The following N4BP2L2 variants were observed in gnomAD, a reference collection of about 807,000 sequenced individuals.
N4BP2L2 encodes NEDD4-binding protein 2-like 2.
Under a neutral mutation model 56.2 loss-of-function variants are expected in N4BP2L2, and 50 were observed. The ratio of observed to expected loss-of-function variants is 0.89; its 90% CI spans 0.71 to 1.13. The LOEUF (loss-of-function observed/expected upper bound fraction) is 1.13, where lower values mean the gene tolerates loss of function less well. N4BP2L2 is among the 50% of genes most tolerant of loss of function. The pLI is 0.00. For synonymous variants in N4BP2L2, 203 were observed against 223.6 expected (o/e 0.91, Z 0.82); for missense variants, 689 against 693.8 (o/e 0.99, Z 0.08).
intron 5 of N4BP2L2, among the ~76,000 whole-genome samples, chr13:32,519,922 T>C (rs1429706791): frequency 6.6e-6 from 1 of 152,214 alleles, no homozygotes; most frequent in Non-Finnish European, 1.5e-5. Flanking sequence ...TAGCATTTTA[T>C]CATTCATTTA....
chr13:32,456,315 G>A (rs1383519411), intron 6 of N4BP2L2, among the ~76,000 whole-genome samples: 1 of 152,096 alleles, frequency 6.6e-6, no homozygotes, highest in Non-Finnish European at 1.5e-5. Context: ...ATGACTTCAT[G>A]CACCCAGAAT....
intron 6 of N4BP2L2, among the ~76,000 whole-genome samples, chr13:32,467,670 ATTGT>A (rs1191172894): frequency 6.6e-6 from 1 of 151,512 alleles, no homozygotes; most frequent in Non-Finnish European, 1.5e-5. Flanking sequence ...TGAAAAAAAA[ATTGT>A]TTGAGGGCTA....
chr13:32,478,344 C>T (rs553673610), intron 6 of N4BP2L2: 9 of 252,600 alleles, frequency 3.6e-5, no homozygotes, highest in African/African-American at 1.8e-4. Flanking sequence ...AACTATATAA[C>T]GCAATTTCTT....
chr13:32,474,961 TAC>T (rs2083017353), intron 6 of N4BP2L2, among the ~76,000 whole-genome samples: 7 of 152,212 alleles, frequency 4.6e-5, no homozygotes, highest in Admixed American at 4.6e-4. Flanking sequence ...GTTAATATTA[TAC>T]ATAACTATAT....
At chr13:32,466,140 C>T (rs933506052) in intron 6 of N4BP2L2, among the ~76,000 whole-genome samples, 30 of 152,130 alleles carry the variant, frequency 2.0e-4, no homozygotes, top group African/African-American at 7.2e-4. Flanking sequence ...TGAAAACAAC[C>T]CATCTATCCA....
At chr13:32,470,738 A>G (rs2082141250) in intron 6 of N4BP2L2, among the ~76,000 whole-genome samples, 1 of 152,214 alleles carries the variant, frequency 6.6e-6, no homozygotes, top group Non-Finnish European at 1.5e-5. Context: ...CCACTTTAGC[A>G]AAGTGTAGCA....
intron 6 of N4BP2L2, among the ~76,000 whole-genome samples, chr13:32,446,761 C>A (rs567782087): frequency 6.6e-6 from 1 of 152,266 alleles, no homozygotes; most frequent in South Asian, 2.1e-4. Context: ...TACAATTGCA[C>A]TTGGAAAATT....
At chr13:32,459,349 GT>G (rs924273824) in intron 6 of N4BP2L2, among the ~76,000 whole-genome samples, 10 of 151,534 alleles carry the variant, frequency 6.6e-5, no homozygotes, top group South Asian at 2.1e-4. Context: ...AACAAAAAGT[GT>G]TTTTTTTGAG....
intron 3 of N4BP2L2, among the ~76,000 whole-genome samples, chr13:32,526,146 GACAA>G (rs1375518721): frequency 6.6e-6 from 1 of 151,518 alleles, no homozygotes; most frequent in East Asian, 1.9e-4. Flanking sequence ...GAAGCAAATA[GACAA>G]CTACAGCATG....
chr13:32,517,102 T>G (rs1380555813), exon 6 of N4BP2L2: 1 of 982,176 alleles, frequency 1.0e-6, no homozygotes, highest in Non-Finnish European at 1.2e-6. Context: ...AAAACATTAT[T>G]AGAATCACTT....
chr13:32,489,288 TTC>T (rs1461909809), intron 6 of N4BP2L2, among the ~76,000 whole-genome samples: 3 of 152,228 alleles, frequency 2.0e-5, no homozygotes, highest in South Asian at 4.1e-4. Context: ...ATTTTTCCGT[TTC>T]TGTCATGTAC....
intron 6 of N4BP2L2, among the ~76,000 whole-genome samples, chr13:32,485,380 T>C (rs1354613087): frequency 6.6e-6 from 1 of 152,136 alleles, no homozygotes; most frequent in African/African-American, 2.4e-5. Flanking sequence ...TAAAGAAGAA[T>C]ATCAATTCTT....
In N4BP2L2 at chr13:32,521,280, C is replaced by G. The variant is rs2050824807; in HGVS notation, c.1550+93G>C. 33 of 1,019,574 alleles carry G rather than the reference C, an allele frequency of 3.2e-5. 2 individuals carry two copies. In the South Asian group the frequency reaches 4.8e-4, roughly 15 times the overall value. The allele number at this position is 1,019,574 out of a possible 1,614,324, so 63.2% of individuals were successfully genotyped here. ...ACATTTTACCCTCAGTTTCCTGAACCTACATTTGTATTCAATAAACTGTGA... is the reference window on the plus strand; with the variant it reads ...ACATTTTACCCTCAGTTTCCTGAACGTACATTTGTATTCAATAAACTGTGA... On this transcript the variant is annotated intron_variant, in intron 5 of 5. Coordinates refer to ENST00000267068, the Ensembl canonical transcript of N4BP2L2.
At chr13:32,443,660 T>C in exon 7 of N4BP2L2, 1 of 1,611,414 alleles carries the variant, frequency 6.2e-7, no homozygotes. Context: ...TCTACCTTCA[T>C]GCCAGAGCAG....
chr13:32,460,603 G>T (rs1207522774), intron 6 of N4BP2L2, among the ~76,000 whole-genome samples: 1 of 151,872 alleles, frequency 6.6e-6, no homozygotes, highest in African/African-American at 2.4e-5. Context: ...AAAATGGAAA[G>T]GCATACCATG....
rs778755606 is a variant in N4BP2L2, at chr13:32,443,535, T to A, written c.957A>T (p.Glu319Asp). 6.8e-6 allele frequency: 11 copies of A among 1,610,670 alleles called. No individual in the cohort carries two copies. In the South Asian group the frequency reaches 1.2e-4, roughly 18 times the overall value. Residue 319 changes from glutamate to aspartate, a missense_variant, in exon 7 of 10, where the codon GAA (glutamate) becomes GAT (aspartate). Glu to Asp is a conservative substitution (Grantham distance 45). Transcript: ENST00000357505. ...TTCCATGTTGATGGCACAGAATGGG[T>A]TCATGTGAGAGATTTTTATCTACTA...
At chr13:32,447,215 T>G (rs1176501730) in intron 6 of N4BP2L2, among the ~76,000 whole-genome samples, 1 of 152,188 alleles carries the variant, frequency 6.6e-6, no homozygotes, top group Non-Finnish European at 1.5e-5. Flanking sequence ...TTTCTTCTGT[T>G]GCCTCTCCTT....
At chr13:32,538,692 G>A (rs2140405591) in exon 1 of N4BP2L2, 1 of 985,492 alleles carries the variant, frequency 1.0e-6, no homozygotes, top group Non-Finnish European at 1.2e-6. Flanking sequence ...CCTCTGTGAA[G>A]GTGAAAGAAA....
intron 6 of N4BP2L2, chr13:32,478,080 C>T: frequency 7.8e-7 from 1 of 1,285,050 alleles, no homozygotes; most frequent in Non-Finnish European, 1.0e-6. Context: ...TATTCAGGCC[C>T]AGCTTATACA....
Sources: allele counts gnomAD v4.1 joint callset (sites outside exome capture counted in the v4.1 genomes callset), GRCh38; gene constraint gnomAD v4.1.1; transcripts MANE v1.5; gene names NCBI Gene and HGNC (gene_info 2026-07-23, HGNC 2026-07-21).